The following SOX6 variants were observed in gnomAD, a reference collection of about 807,000 sequenced individuals.
SOX6 encodes SRY-box transcription factor 6.
A neutral mutation model predicts 97.8 loss-of-function variants in SOX6; 11 were observed. The observed-to-expected ratio is 0.11, with a 90% CI of 0.07 to 0.19. The LOEUF (loss-of-function observed/expected upper bound fraction) is 0.19. Among genes scored for constraint, SOX6 ranks in the 10% least tolerant of loss-of-function variants. The pLI is 1.00. For missense variants in SOX6, 810 were observed against 1,039.5 expected, an observed-to-expected ratio of 0.78 and a Z score of 3.04; for synonymous variants, 360 against 371.4, an observed-to-expected ratio of 0.97 and a Z score of 0.35.
intron 3 of SOX6, among the ~76,000 whole-genome samples, chr11:16,642,647 G>T (rs376285633): frequency 1.3e-5 from 2 of 151,772 alleles, no homozygotes; most frequent in African/African-American, 4.8e-5. Context: ...TTCTCTTCTC[G>T]CTTCATTTCA....
chr11:16,650,347 G>A (rs781659361), intron 3 of SOX6, among the ~76,000 whole-genome samples: 26 of 152,102 alleles, frequency 1.7e-4, no homozygotes, highest in Middle Eastern at 3.4e-3. Flanking sequence ...TTCAGCACAT[G>A]AACATTCTCC....
intron 4 of SOX6, among the ~76,000 whole-genome samples, chr11:16,214,686 G>C (rs961935992): frequency 6.6e-6 from 1 of 151,506 alleles, no homozygotes; most frequent in African/African-American, 2.4e-5. Flanking sequence ...TCTAACATAT[G>C]GTTTTAAGTA....
chr11:16,096,217 A>G, intron 8 of SOX6, 99 bp from the exon 9 acceptor site: 1 of 1,393,234 alleles, frequency 7.2e-7, no homozygotes, highest in Non-Finnish European at 9.9e-7. Context: ...TATTGACCAC[A>G]TCAAAAAATA....
intron 6 of SOX6, among the ~76,000 whole-genome samples, chr11:16,160,503 C>T (rs1451647179): frequency 6.6e-6 from 1 of 152,068 alleles, no homozygotes; most frequent in African/African-American, 2.4e-5. Flanking sequence ...ATCTTAAATA[C>T]CAGTTTGTGG....
intron 1 of SOX6, among the ~76,000 whole-genome samples, chr11:16,400,121 T>C (rs566689774): frequency 1.8e-4 from 27 of 151,650 alleles, no homozygotes; most frequent in Non-Finnish European, 3.4e-4. Flanking sequence ...TTCAAGACAC[T>C]GGCGAATATG....
intron 1 of SOX6, among the ~76,000 whole-genome samples, chr11:16,443,067 G>C (rs1859536118): frequency 6.6e-6 from 1 of 151,700 alleles, no homozygotes; most frequent in African/African-American, 2.4e-5. Context: ...TTAATGTCTG[G>C]TGCATTTACA....
chr11:16,208,984 A>G (rs570183627), intron 4 of SOX6, among the ~76,000 whole-genome samples: 1 of 152,310 alleles, frequency 6.6e-6, no homozygotes, highest in African/African-American at 2.4e-5. Flanking sequence ...AAAATATTTC[A>G]TTTTCTAAAT....
intron 6 of SOX6, among the ~76,000 whole-genome samples, chr11:16,140,968 G>A (rs1219531208): frequency 2.0e-5 from 3 of 152,164 alleles, no homozygotes; most frequent in Non-Finnish European, 4.4e-5. Context: ...CCACAAATCA[G>A]CTGGGTGTCA....
chr11:16,209,626 G>C (rs892742636), intron 4 of SOX6, among the ~76,000 whole-genome samples: 6 of 152,074 alleles, frequency 3.9e-5, no homozygotes, highest in Non-Finnish European at 5.9e-5. Flanking sequence ...GTGGTGGTGA[G>C]TGCCTGTCCC....
intron 3 of SOX6, among the ~76,000 whole-genome samples, chr11:16,261,436 A>T (rs1853892722): frequency 6.6e-6 from 1 of 152,074 alleles, no homozygotes. Context: ...TTAATGTAAC[A>T]AAAGGTTGGC....
At chr11:16,065,808 T>C (rs778850322) in intron 9 of SOX6, among the ~76,000 whole-genome samples, 10 of 152,118 alleles carry the variant, frequency 6.6e-5, no homozygotes, top group Non-Finnish European at 1.2e-4. Context: ...TGTATGAAAC[T>C]ACTGCAAGCA....
chr11:16,462,319 A>T (rs1408433830), intron 1 of SOX6, among the ~76,000 whole-genome samples: 1 of 152,248 alleles, frequency 6.6e-6, no homozygotes. Context: ...TGGTTCAGGT[A>T]AAGATAGTTA....
intron 1 of SOX6, among the ~76,000 whole-genome samples, chr11:16,390,747 G>A (rs1458617059): frequency 1.3e-5 from 2 of 152,116 alleles, no homozygotes; most frequent in East Asian, 3.9e-4. Flanking sequence ...GTTGGTGGGA[G>A]TGTAAATTAG....
chr11:16,626,837 A>G (rs1371307611), intron 3 of SOX6, among the ~76,000 whole-genome samples: 3 of 152,018 alleles, frequency 2.0e-5, no homozygotes, highest in African/African-American at 4.8e-5. Context: ...TCCAACTTTT[A>G]TTTTGGATTC....
chr11:16,645,975 T>A (rs1441246653), intron 3 of SOX6: 1 of 152,204 alleles, frequency 6.6e-6, no homozygotes, highest in African/African-American at 2.4e-5. Flanking sequence ...ATAAATGTTA[T>A]CTTATTCTCA....
chr11:16,440,331 T>C (rs1454474092), intron 1 of SOX6, among the ~76,000 whole-genome samples: 1 of 152,236 alleles, frequency 6.6e-6, no homozygotes, highest in East Asian at 1.9e-4. Flanking sequence ...GAAATTACCA[T>C]GTTATTATAT....
In SOX6 at chr11:16,007,606, T is replaced by C. The variant is rs182674259; in HGVS notation, c.1732+7336A>G. On this transcript the variant is annotated intron_variant, in intron 13 of 15. Transcript: ENST00000683767. ...ATCCTGACCTTAAACAGAGAGAATT[T>C]AAAGCACATTCATAACTAGCTTGAT... Among the ~76,000 whole-genome samples the C allele has an allele frequency of 5.6e-4, 86 of 152,216 alleles. 1 individual carries two copies. Among genetic ancestry groups the C allele is most frequent in the Admixed American group, 4.0e-3 (61 of 15,284 alleles).
chr11:16,534,899 A>T (rs988149260), intron 4 of SOX6, among the ~76,000 whole-genome samples: 1 of 152,208 alleles, frequency 6.6e-6, no homozygotes, highest in Non-Finnish European at 1.5e-5. Flanking sequence ...ATTCATCAAC[A>T]GTTATAGCTA....
At chr11:16,340,779 GATAAA>G (rs1166987628) in intron 2 of SOX6, among the ~76,000 whole-genome samples, 1 of 151,830 alleles carries the variant, frequency 6.6e-6, no homozygotes, top group African/African-American at 2.4e-5. Flanking sequence ...AAAATCAATC[GATAAA>G]ATATATTACT....
Sources: gnomAD v4.1 joint callset for allele counts (sites outside exome capture counted in the v4.1 genomes callset) on GRCh38, gnomAD v4.1.1 for gene constraint, MANE v1.5 for transcripts, NCBI Gene and HGNC (gene_info 2026-07-23, HGNC 2026-07-21) for gene names.